Variants in WNT5A observed in about 807,000 individuals in gnomAD.
The protein encoded by WNT5A is protein Wnt-5a.
In WNT5A, 9 loss-of-function variants were observed where a neutral mutation model predicts 42.1. The ratio of observed to expected loss-of-function variants is 0.21; its 90% CI spans 0.13 to 0.37. WNT5A has a LOEUF of 0.37. WNT5A is among the 10% of genes least tolerant of loss of function. WNT5A has a pLI of 1.00. For synonymous variants in WNT5A, 210 were observed against 210.0 expected (o/e 1.00, Z 0.00); for missense variants, 426 against 534.0 (o/e 0.80, Z 1.99).
At chr3:55,470,593 A>G in intron 4 of WNT5A, 43 bp from the exon 5 acceptor site, 1 of 1,452,442 alleles carries the variant, frequency 6.9e-7, no homozygotes, top group Non-Finnish European at 9.1e-7. Flanking sequence ...TTCATGGAGG[A>G]GCCAGATGCA....
Position 55,467,839 on chromosome 3 carries a change from C to A in WNT5A, c.*2253G>T, listed in dbSNP as rs2051171021. The A allele has an allele frequency of 6.6e-6, 1 of 152,096 alleles. No homozygotes were observed. Among genetic ancestry groups the A allele is most frequent in the Admixed American group, 6.5e-5 (1 of 15,278 alleles). 9.4% of individuals were successfully genotyped at this position (152,096 alleles called of 1,614,324 possible). On this transcript the variant is annotated 3_prime_UTR_variant, in exon 5 of 5. Coordinates refer to ENST00000264634, the MANE Select transcript of WNT5A (RefSeq NM_003392.7). ...ACATGAGTCACTAAAAAGGAACAAT[C>A]TGATTTAGCAAATAAAAAAAGTACT...
At chr3:55,481,484 G>T (rs967452588) in intron 1 of WNT5A, 1 of 681,642 alleles carries the variant, frequency 1.5e-6, no homozygotes, top group African/African-American at 2.0e-5. Flanking sequence ...GGAAGGGCAG[G>T]GGGTGGGGGG....
the WNT5A span, among the ~76,000 whole-genome samples, chr3:55,498,432 A>T: frequency 6.6e-6 from 1 of 152,220 alleles, no homozygotes; most frequent in Non-Finnish European, 1.5e-5. Context: ...TACAATAAGG[A>T]TGATGAGAGT....
rs1336032394 is a variant in WNT5A, at chr3:55,470,015, A to C, written c.*77T>G. 6.3e-7 allele frequency: 1 copy of C among 1,581,106 alleles called. No homozygotes were observed. The highest frequency in any genetic ancestry group is 1.4e-5 in the African/African-American group (1 of 73,962). On this transcript the variant is annotated 3_prime_UTR_variant, in exon 5 of 5. Transcript: ENST00000264634. ...GGGAAAAATAAAAAATATTTCTAAAAACCAAAAACCAGAATCACTGTACTT... is the reference window on the plus strand; with the variant it reads ...GGGAAAAATAAAAAATATTTCTAAACACCAAAAACCAGAATCACTGTACTT...
In WNT5A at chr3:55,474,636, G is replaced by A. The variant is rs1575398738; in HGVS notation, c.392-7C>T. ...AAGGCCGTCTCGCGGCTGCCTGTGGGTGAGGACAAGGGATCACTGGCCGCC... is the reference window on the plus strand; with the variant it reads ...AAGGCCGTCTCGCGGCTGCCTGTGGATGAGGACAAGGGATCACTGGCCGCC... On this transcript the variant is annotated splice_region_variant and splice_polypyrimidine_tract_variant and intron_variant, in intron 3 of 4. Transcript: ENST00000264634. The A allele has an allele frequency of 2.8e-6, 4 of 1,415,886 alleles. No individual in the cohort carries two copies. The highest frequency in any genetic ancestry group is 2.8e-6 in the Non-Finnish European group (3 of 1,089,888). 87.7% of individuals were successfully genotyped at this position (1,415,886 alleles called of 1,614,324 possible). A position where few individuals can be genotyped will look rare whatever the true frequency, so the allele number is the denominator to read the frequency against.
intron 3 of WNT5A, among the ~76,000 whole-genome samples, chr3:55,477,997 C>T (rs2051388208): frequency 1.3e-5 from 2 of 152,196 alleles, no homozygotes; most frequent in African/African-American, 4.8e-5. Context: ...CTTACAATAT[C>T]AACACACGGG....
At chr3:55,480,697 T>A (rs2051441671) in intron 2 of WNT5A, 88 bp downstream of exon 2, 2 of 1,350,692 alleles carry the variant, frequency 1.5e-6, no homozygotes, top group Non-Finnish European at 2.0e-6. Context: ...CCACACTCAC[T>A]ATCCAGCATT....
In WNT5A at chr3:55,483,748, G is replaced by C. The variant is rs76397716; in HGVS notation, c.7-2830C>G. Among the ~76,000 whole-genome samples, 560 of 152,238 alleles carry C rather than the reference G, an allele frequency of 3.7e-3. 2 individuals are homozygous for C. The highest frequency in any genetic ancestry group is 0.013 in the African/African-American group (521 of 41,564). ...CAATCCAGAGCAGCTCAACGACGTG[G>C]CTCCCTTTCTATGTATCCCTCAAAG... On this transcript the variant is annotated intron_variant, in intron 1 of 4. Coordinates refer to ENST00000264634, the MANE Select transcript of WNT5A (RefSeq NM_003392.7). The surrounding 1 kb of genome is among the most constrained non-coding windows in gnomAD (Gnocchi z 4.2).
At chr3:55,498,436 T>C in the WNT5A span, among the ~76,000 whole-genome samples, 1 of 152,130 alleles carries the variant, frequency 6.6e-6, no homozygotes, top group African/African-American at 2.4e-5. Context: ...ATAAGGATGA[T>C]GAGAGTAACA....
chr3:55,486,880 G>T, intron 1 of WNT5A, 100 bp downstream of exon 1: 1 of 869,380 alleles, frequency 1.2e-6, no homozygotes, highest in Non-Finnish European at 1.9e-6. Context: ...AGGCGGTTGG[G>T]GAAATGGAGG....
intron 1 of WNT5A, among the ~76,000 whole-genome samples, chr3:55,481,576 T>A (rs1292343104): frequency 6.6e-6 from 1 of 151,956 alleles, no homozygotes; most frequent in East Asian, 1.9e-4. Flanking sequence ...CATAATCAGT[T>A]TACGAGCCGA....
In WNT5A at chr3:55,466,699, G is replaced by A. The variant is rs1414183693; in HGVS notation, c.*3393C>T. 6.6e-6 allele frequency: 1 copy of A among 152,520 alleles called. No homozygotes were observed. Among genetic ancestry groups the A allele is most frequent in the Non-Finnish European group, 1.5e-5 (1 of 68,016 alleles). The allele number at this position is 152,520 out of a possible 1,614,324, so 9.4% of individuals were successfully genotyped here. A position where few individuals can be genotyped will look rare whatever the true frequency, so the allele number is the denominator to read the frequency against. On this transcript the variant is annotated 3_prime_UTR_variant, in exon 5 of 5. Coordinates refer to ENST00000264634, the MANE Select transcript of WNT5A (RefSeq NM_003392.7). ...TGGGAAGATCTTGAATACGCTCCAG[G>A]ATGAGAAGAAAAAATACGCTGACAC...
chr3:55,475,809 A>G (rs2051346890), intron 3 of WNT5A, among the ~76,000 whole-genome samples: 1 of 152,218 alleles, frequency 6.6e-6, no homozygotes, highest in African/African-American at 2.4e-5. Context: ...AGGCTATCAT[A>G]GAGTACCCTA....
At position 55,467,438 on chromosome 3, in the gene WNT5A, C is replaced by A. The variant is rs1397185824; in HGVS notation, c.*2654G>T. 1 of 151,176 alleles carries A rather than the reference C, an allele frequency of 6.6e-6. No individual in the cohort carries two copies. The highest frequency in any genetic ancestry group is 1.5e-5 in the Non-Finnish European group (1 of 67,832). The allele number at this position is 151,176 out of a possible 1,614,324, so 9.4% of individuals were successfully genotyped here. On this transcript the variant is annotated 3_prime_UTR_variant, in exon 5 of 5. Transcript: ENST00000264634. ...CTTTTGTTCCATTACATATAGAAAC[C>A]TTTTGAAGCTTCCAAATAGCTTGGT...
the WNT5A span, among the ~76,000 whole-genome samples, chr3:55,501,304 A>G: frequency 6.6e-6 from 1 of 152,226 alleles, no homozygotes; most frequent in African/African-American, 2.4e-5. Flanking sequence ...CCAAACTGAC[A>G]TCAGATTTTT....
the WNT5A span, among the ~76,000 whole-genome samples, chr3:55,502,729 A>G: frequency 2.6e-5 from 4 of 152,250 alleles, no homozygotes; most frequent in Admixed American, 2.6e-4. Flanking sequence ...GTATTACAAA[A>G]GAAACATTGA....
chr3:55,497,053 G>A, the WNT5A span, among the ~76,000 whole-genome samples: 8 of 152,114 alleles, frequency 5.3e-5, no homozygotes, highest in African/African-American at 1.2e-4. Flanking sequence ...TTCATTTGTC[G>A]AATTAGTATT....
At chr3:55,497,722 AG>A in the WNT5A span, among the ~76,000 whole-genome samples, 5 of 152,330 alleles carry the variant, frequency 3.3e-5, no homozygotes, top group African/African-American at 1.2e-4. Context: ...AAGGTCACAT[AG>A]GCAGAATTTA....
intron 3 of WNT5A, chr3:55,479,002 C>T (rs1308500279): frequency 5.1e-6 from 1 of 194,506 alleles, no homozygotes; most frequent in Non-Finnish European, 1.0e-5. Flanking sequence ...CTTCCCCCAC[C>T]TACTCTTAAG....
Sources: gnomAD v4.1 joint callset for allele counts (sites outside exome capture counted in the v4.1 genomes callset) on GRCh38, gnomAD v4.1.1 for gene constraint, Gnocchi (gnomAD v3.1) non-coding constraint, MANE v1.5 for transcripts, NCBI Gene and HGNC (gene_info 2026-07-23, HGNC 2026-07-21) for gene names.